Variants in CYP2J2 observed in about 807,000 individuals in gnomAD.
CYP2J2 encodes the protein cytochrome P450 family 2 subfamily J member 2, also known as cytochrome P450 2J2.
A neutral mutation model predicts 48.8 loss-of-function variants in CYP2J2; 41 were observed. The observed-to-expected ratio is 0.84, with a 90% CI of 0.66 to 1.09. CYP2J2 has a LOEUF of 1.09. CYP2J2 is among the 50% of genes least tolerant of loss of function. The probability of loss-of-function intolerance (pLI) is 0.00; values close to 1 mark genes in which losing one functional copy is unlikely to be tolerated. For missense variants in CYP2J2, 644 were observed against 617.3 expected, an observed-to-expected ratio of 1.04 and a Z score of -0.46; for synonymous variants, 221 against 227.1, an observed-to-expected ratio of 0.97 and a Z score of 0.24.
chr1:59,922,344 T>C (rs911090823), intron 1 of CYP2J2, among the ~76,000 whole-genome samples: 2 of 152,228 alleles, frequency 1.3e-5, no homozygotes, highest in Non-Finnish European at 2.9e-5. Flanking sequence ...ATCATGAAGA[T>C]GAAATGAAAA....
At chr1:59,943,661 GA>G in the CYP2J2 span, among the ~76,000 whole-genome samples, 1 of 151,632 alleles carries the variant, frequency 6.6e-6, no homozygotes, top group South Asian at 2.1e-4. Context: ...AAGTATTGCA[GA>G]AAATATCTGA....
chr1:59,956,368 G>A, the CYP2J2 span, among the ~76,000 whole-genome samples: 2 of 152,118 alleles, frequency 1.3e-5, no homozygotes, highest in African/African-American at 4.8e-5. Context: ...TGAAATTATA[G>A]TGTGCTCCTG....
At position 59,909,831 on chromosome 1, in the gene CYP2J2, C is replaced by T. The variant is rs747714982; in HGVS notation, c.814G>A (p.Ala272Thr). Reference protein sequence around the residue: ...IDKHRKDWNPAETRDFIDAYL... With the variant: ...IDKHRKDWNPTETRDFIDAYL... ...GCATCAATAAAGTCTCTTGTTTCTG[C>T]AGGATTCCAATCCTTTCTGTGTTTG... Residue 272 changes from alanine (A) to threonine (T), a missense_variant, in exon 5 of 9, where the codon GCA becomes ACA. Coordinates refer to ENST00000371204, the MANE Select transcript of CYP2J2 (RefSeq NM_000775.4). 1.9e-6 allele frequency: 3 copies of T among 1,602,528 alleles called. No homozygotes were observed. Among genetic ancestry groups the T allele is most frequent in the Non-Finnish European group, 2.5e-6 (3 of 1,176,734 alleles).
intron 6 of CYP2J2, among the ~76,000 whole-genome samples, chr1:59,906,473 C>T (rs191568085): frequency 1.6e-4 from 24 of 151,520 alleles, no homozygotes; most frequent in Admixed American, 9.8e-4. Context: ...TACCTGAAAG[C>T]GAAATAAATT....
the CYP2J2 span, among the ~76,000 whole-genome samples, chr1:59,966,798 T>C: frequency 1.3e-5 from 2 of 152,166 alleles, no homozygotes; most frequent in African/African-American, 4.8e-5. Context: ...GAATTCACTT[T>C]GGCCAAGCAG....
chr1:59,967,608 G>A, the CYP2J2 span, among the ~76,000 whole-genome samples: 7,706 of 152,242 alleles, frequency 0.051, 264 homozygotes, highest in Admixed American at 0.1. Flanking sequence ...ATATCCCTGA[G>A]CAAGGCTGGG....
At chr1:59,922,124 C>T (rs1310168017) in intron 1 of CYP2J2, among the ~76,000 whole-genome samples, 3 of 152,164 alleles carry the variant, frequency 2.0e-5, no homozygotes, top group South Asian at 2.1e-4. Flanking sequence ...CTCGACCTGC[C>T]GATCCACCTG....
At chr1:59,910,760 C>G (rs11572266) in intron 4 of CYP2J2, among the ~76,000 whole-genome samples, 11 of 152,188 alleles carry the variant, frequency 7.2e-5, no homozygotes, top group African/African-American at 1.9e-4. Context: ...ACTTCTCCCC[C>G]CTCCCCCCAG....
At chr1:59,936,984 A>G in the CYP2J2 span, among the ~76,000 whole-genome samples, 3 of 152,256 alleles carry the variant, frequency 2.0e-5, no homozygotes, top group Admixed American at 6.5e-5. Flanking sequence ...TAGCTCAGGC[A>G]TAGGGTAAGC....
chr1:59,915,043 G>A (rs1229068984), intron 2 of CYP2J2, among the ~76,000 whole-genome samples: 4 of 152,190 alleles, frequency 2.6e-5, no homozygotes, highest in Non-Finnish European at 2.9e-5. Context: ...TCTGGCCTAC[G>A]TGCATGTCCA....
chr1:59,955,376 T>G, the CYP2J2 span, among the ~76,000 whole-genome samples: 1 of 150,930 alleles, frequency 6.6e-6, no homozygotes, highest in Non-Finnish European at 1.5e-5. Flanking sequence ...TGCCAACTTG[T>G]AGATAGGAAG....
intron 6 of CYP2J2, among the ~76,000 whole-genome samples, chr1:59,905,954 A>G (rs573026700): frequency 1.2e-4 from 19 of 152,318 alleles, no homozygotes; most frequent in African/African-American, 4.6e-4. Flanking sequence ...TGGGAGGCCA[A>G]CGCAGGCGGA....
chr1:59,948,253 C>T, the CYP2J2 span, among the ~76,000 whole-genome samples: 40,555 of 151,998 alleles, frequency 0.27, 6,727 homozygotes, highest in South Asian at 0.43. Context: ...TTCTTTTCTC[C>T]CTCAATTATT....
the CYP2J2 span, among the ~76,000 whole-genome samples, chr1:59,955,131 T>C: frequency 7.6e-6 from 1 of 131,850 alleles, no homozygotes; most frequent in African/African-American, 3.1e-5. Flanking sequence ...AGTGAGACCA[T>C]CTCCAAAATT....
chr1:59,908,839 C>T (rs1186285448), intron 5 of CYP2J2, among the ~76,000 whole-genome samples: 1 of 152,098 alleles, frequency 6.6e-6, no homozygotes, highest in African/African-American at 2.4e-5. Flanking sequence ...CACCTCTGGC[C>T]TATAATGTTG....
chr1:59,948,041 T>C, the CYP2J2 span, among the ~76,000 whole-genome samples: 66 of 152,322 alleles, frequency 4.3e-4, no homozygotes, highest in African/African-American at 1.4e-3. Flanking sequence ...GCACCAGGGG[T>C]TGCACAGGAT....
At chr1:59,957,348 G>T in the CYP2J2 span, among the ~76,000 whole-genome samples, 1 of 151,818 alleles carries the variant, frequency 6.6e-6, no homozygotes, top group Non-Finnish European at 1.5e-5. Flanking sequence ...GGAAGGTGGG[G>T]GTGGGGCATG....
the CYP2J2 span, among the ~76,000 whole-genome samples, chr1:59,948,758 A>G: frequency 6.6e-6 from 1 of 152,226 alleles, no homozygotes; most frequent in East Asian, 1.9e-4. Context: ...TTTCATTTAA[A>G]GGACTGCTGT....
the CYP2J2 span, among the ~76,000 whole-genome samples, chr1:59,950,624 C>A: frequency 6.6e-6 from 1 of 152,136 alleles, no homozygotes; most frequent in Non-Finnish European, 1.5e-5. Flanking sequence ...AAATCACCCC[C>A]GACCATAGTG....
Sources: allele counts gnomAD v4.1 joint callset (sites outside exome capture counted in the v4.1 genomes callset), GRCh38; gene constraint gnomAD v4.1.1; transcripts MANE v1.5; gene names NCBI Gene and HGNC (gene_info 2026-07-23, HGNC 2026-07-21).